The following SAMSN1 variants were observed in gnomAD, a reference collection of about 807,000 sequenced individuals.
The protein encoded by SAMSN1 is SAM domain, SH3 domain and nuclear localization signals 1, also known as SAM domain-containing protein SAMSN-1.
Under a neutral mutation model 42.0 loss-of-function variants are expected in SAMSN1, and 31 were observed. That is an observed-to-expected ratio of 0.74 (90% confidence interval 0.55 to 1.00). SAMSN1 has a LOEUF of 1.00. Among genes scored for constraint, SAMSN1 ranks in the 50% least tolerant of loss-of-function variants. The pLI, the probability that SAMSN1 is intolerant of heterozygous loss-of-function variation, is 0.00. For missense variants in SAMSN1, 464 were observed against 439.4 expected, an observed-to-expected ratio of 1.06 and a Z score of -0.50; for synonymous variants, 178 against 151.9, an observed-to-expected ratio of 1.17 and a Z score of -1.26.
At chr21:14,634,922 G>A (rs1303668452) in intron 2 of SAMSN1, among the ~76,000 whole-genome samples, 1 of 152,152 alleles carries the variant, frequency 6.6e-6, no homozygotes, top group Non-Finnish European at 1.5e-5. Flanking sequence ...GCAAAGACAT[G>A]GAACCAACCT....
At chr21:14,505,365 T>A (rs997228307) in intron 5 of SAMSN1, among the ~76,000 whole-genome samples, 3 of 152,202 alleles carry the variant, frequency 2.0e-5, no homozygotes, top group African/African-American at 7.2e-5. Context: ...ATCTAACACA[T>A]AAAGACTCAC....
chr21:14,617,221 A>AT (rs1982861721), intron 2 of SAMSN1, among the ~76,000 whole-genome samples: 1 of 152,162 alleles, frequency 6.6e-6, no homozygotes, highest in African/African-American at 2.4e-5. Context: ...GTGAGTGAGG[A>AT]TATCAGCAGG....
intron 1 of SAMSN1, among the ~76,000 whole-genome samples, chr21:14,539,834 A>G (rs1216184046): frequency 6.6e-6 from 1 of 152,198 alleles, no homozygotes; most frequent in African/African-American, 2.4e-5. Context: ...CCGCATCGCC[A>G]AGTCAATCCT....
At chr21:14,578,834 C>T (rs886900308) in intron 2 of SAMSN1, among the ~76,000 whole-genome samples, 4 of 151,906 alleles carry the variant, frequency 2.6e-5, no homozygotes, top group African/African-American at 4.8e-5. Context: ...TATCTTGGCA[C>T]GTATATTTTT....
chr21:14,552,151 T>C (rs533861926), intron 2 of SAMSN1, among the ~76,000 whole-genome samples: 8 of 152,204 alleles, frequency 5.3e-5, no homozygotes, highest in African/African-American at 1.9e-4. Context: ...AAATCTGCAT[T>C]TCAGGCCCCT....
upstream of SAMSN1, among the ~76,000 whole-genome samples, chr21:14,587,140 A>G (rs1981943262): frequency 1.3e-5 from 2 of 152,310 alleles, no homozygotes; most frequent in Admixed American, 6.5e-5. Context: ...ACTCTTCCCA[A>G]TAGCATTCAA....
chr21:14,649,121 G>C (rs1307048984), intron 1 of SAMSN1, among the ~76,000 whole-genome samples: 2 of 151,942 alleles, frequency 1.3e-5, no homozygotes, highest in Admixed American at 1.3e-4. Context: ...TCCTTTGTAG[G>C]GACATGGATG....
intron 1 of SAMSN1, among the ~76,000 whole-genome samples, chr21:14,541,527 T>A (rs916925235): frequency 1.3e-5 from 2 of 152,182 alleles, no homozygotes; most frequent in East Asian, 3.8e-4. Flanking sequence ...TTTTTTTGTT[T>A]GTTTGTTTGT....
chr21:14,582,805 A>C (rs7279839), intron 1 of SAMSN1, among the ~76,000 whole-genome samples: 13,793 of 152,016 alleles, frequency 0.091, 1,589 homozygotes, highest in African/African-American at 0.27. Flanking sequence ...AATACAATTA[A>C]AAAACCCACC....
At chr21:14,629,576 A>G (rs982300127) in intron 2 of SAMSN1, among the ~76,000 whole-genome samples, 1 of 152,180 alleles carries the variant, frequency 6.6e-6, no homozygotes, top group African/African-American at 2.4e-5. Flanking sequence ...AACCCCATAC[A>G]GCTAGTGAAT....
chr21:14,644,619 CT>C (rs1344310650), intron 1 of SAMSN1, among the ~76,000 whole-genome samples: 1 of 152,146 alleles, frequency 6.6e-6, no homozygotes, highest in Non-Finnish European at 1.5e-5. Flanking sequence ...CAGAGGAAAA[CT>C]TCTGTTTGAG....
At chr21:14,592,441 C>T (rs1982115436) in intron 7 of SAMSN1, 1 of 162,198 alleles carries the variant, frequency 6.2e-6, no homozygotes, top group Non-Finnish European at 1.4e-5. Context: ...TGTGTGCCGA[C>T]TAATGATTGT....
chr21:14,547,657 C>G (rs964214364), upstream of SAMSN1, among the ~76,000 whole-genome samples: 7 of 152,112 alleles, frequency 4.6e-5, no homozygotes, highest in African/African-American at 1.7e-4. Flanking sequence ...CTCTATTTCT[C>G]AAACTTCCCT....
intron 5 of SAMSN1, among the ~76,000 whole-genome samples, chr21:14,608,996 T>C (rs1194418001): frequency 3.3e-5 from 5 of 152,164 alleles, no homozygotes; most frequent in Admixed American, 6.5e-5. Context: ...TGTTATTCTA[T>C]ACCTGACTCC....
intron 2 of SAMSN1, among the ~76,000 whole-genome samples, chr21:14,570,028 G>C (rs1048857869): frequency 6.6e-6 from 1 of 151,130 alleles, no homozygotes; most frequent in Non-Finnish European, 1.5e-5. Context: ...ATGAGTTACA[G>C]TGGCTTGCAT....
intron 1 of SAMSN1, among the ~76,000 whole-genome samples, chr21:14,531,140 A>G (rs1248970846): frequency 6.6e-6 from 1 of 152,152 alleles, no homozygotes; most frequent in Non-Finnish European, 1.5e-5. Context: ...AATATTGAAG[A>G]TGATGGTTTA....
At position 14,589,135 on chromosome 21, in the gene SAMSN1, GA is replaced by G. The variant is rs570095806; in HGVS notation, c.465+4877del. Among the ~76,000 whole-genome samples, 628 of 152,058 alleles carry G rather than the reference GA, an allele frequency of 4.1e-3. 5 individuals carry two copies. The highest frequency in any genetic ancestry group is 4.4e-3 in the Non-Finnish European group (299 of 67,940). On this transcript the variant is annotated intron_variant, in intron 7 of 15. Transcript: ENST00000647101. Reference sequence around the variant, plus strand: ...ACTTTGCTTGAATATTAATATTAGAGAATACTTTTTAGAAGATAGCATCAAT... The same window carrying G: ...ACTTTGCTTGAATATTAATATTAGAGATACTTTTTAGAAGATAGCATCAAT...
intron 3 of SAMSN1, among the ~76,000 whole-genome samples, chr21:14,515,201 C>T (rs1987856903): frequency 1.3e-5 from 2 of 152,116 alleles, no homozygotes; most frequent in Admixed American, 1.3e-4. Context: ...CTGACGGCGA[C>T]AGCTATTTTA....
chr21:14,538,267 C>T (rs1225978306), intron 1 of SAMSN1, among the ~76,000 whole-genome samples: 1 of 152,066 alleles, frequency 6.6e-6, no homozygotes, highest in African/African-American at 2.4e-5. Flanking sequence ...CCAGAAAACT[C>T]TGTTTGAAAA....
Sources: allele counts gnomAD v4.1 joint callset (sites outside exome capture counted in the v4.1 genomes callset), GRCh38; gene constraint gnomAD v4.1.1; transcripts MANE v1.5; gene names NCBI Gene and HGNC (gene_info 2026-07-23, HGNC 2026-07-21).